Variants in ZPR1 observed in about 807,000 individuals in gnomAD.
ZPR1 encodes the protein ZPR1 zinc finger, also known as zinc finger protein ZPR1.
A neutral mutation model predicts 59.6 loss-of-function variants in ZPR1; 37 were observed. That is an observed-to-expected ratio of 0.62 (90% CI 0.48 to 0.82). The LOEUF is 0.82. Among genes scored for constraint, ZPR1 ranks in the 40% least tolerant of loss-of-function variants. ZPR1 has a pLI of 0.00. For missense variants in ZPR1, 527 were observed against 579.9 expected (o/e 0.91, Z 0.94); for synonymous variants, 191 against 215.2 (o/e 0.89, Z 0.99).
chr11:116,787,375 A>G, intron 2 of ZPR1, 107 bp downstream of exon 2: 1 of 1,167,770 alleles, frequency 8.6e-7, no homozygotes, highest in Non-Finnish European at 1.2e-6. Context: ...TAAGGCTAGG[A>G]GACATAGGGG....
At chr11:116,779,724 A>T (rs759644269) in intron 13 of ZPR1, 48 bp downstream of exon 13, 98 of 1,346,242 alleles carry the variant, frequency 7.3e-5, no homozygotes, top group Non-Finnish European at 9.8e-5. Flanking sequence ...TATTCAAGGA[A>T]GATCAGAAAA....
Position 116,784,642 on chromosome 11 carries a change from C to T in ZPR1, c.821-194G>A. Reference sequence around the variant, plus strand: ...CAATCCCTGTTCACACATTTGAAGGCATGGCTCAGGTCACACACACACAGC... The same window carrying T: ...CAATCCCTGTTCACACATTTGAAGGTATGGCTCAGGTCACACACACACAGC... On this transcript the variant is annotated intron_variant, in intron 8 of 13. Transcript: ENST00000227322. The T allele has an allele frequency of 7.4e-6, 6 of 813,354 alleles. No homozygotes were observed. The Middle Eastern group carries it at 1.1e-3, about 155-fold the overall frequency. The allele number at this position is 813,354 out of a possible 1,614,324, so 50.4% of individuals were successfully genotyped here.
At chr11:116,784,158 C>A (rs2134196395) in intron 9 of ZPR1, among the ~76,000 whole-genome samples, 1 of 152,286 alleles carries the variant, frequency 6.6e-6, no homozygotes. Flanking sequence ...ATATCATCAA[C>A]CTTTAATATG....
In ZPR1 at chr11:116,778,926, T is replaced by A; in HGVS notation, c.1379A>T (p.Ter460LeuextTer53). The change falls in exon 14 of 14, where the codon TAG becomes TTG. Residue 460 changes from the stop codon to leucine, a stop_lost. Coordinates refer to ENST00000227322, the MANE Select transcript of ZPR1 (RefSeq NM_003904.5). ...GYEAGLAPQR[*>L] The stretch of plus-strand genomic sequence containing the variant: ...GGCTGGCCCTTGAGCCACCCACTGC[T>A]ACCGTTGCGGAGCCAGGCCTGCCTC... 1 of 1,613,734 alleles carries A rather than the reference T, an allele frequency of 6.2e-7. No individual in the cohort carries two copies.
At position 116,786,553 on chromosome 11, in the gene ZPR1, G is replaced by A; in HGVS notation, c.453C>T (p.Thr151=). 1 of 1,614,138 alleles carries A rather than the reference G, an allele frequency of 6.2e-7. No homozygotes were observed. Among genetic ancestry groups the A allele is most frequent in the Non-Finnish European group, 8.5e-7 (1 of 1,180,040 alleles). ...CCTGCTCCAGGCCAGAGATAGCACG[G>A]GTGATCAATCCTTCAACAGTGGTCA... ...GALTTVEGLI[T]RAISGLEQDQ... Residue 151 remains threonine (T), a synonymous_variant, in exon 4 of 14, where the codon ACC becomes ACT. Coordinates refer to ENST00000227322, the MANE Select transcript of ZPR1 (RefSeq NM_003904.5).
rs1940721175 is a variant in ZPR1 at position 116,776,252 on chromosome 11, A to G, written c.*2673T>C. 1 of 152,070 alleles carries G rather than the reference A, an allele frequency of 6.6e-6. No homozygotes were observed. 9.4% of individuals were successfully genotyped at this position (152,070 alleles called of 1,614,324 possible). On this transcript the variant is annotated 3_prime_UTR_variant, in exon 14 of 14. Coordinates refer to ENST00000227322, the MANE Select transcript of ZPR1 (RefSeq NM_003904.5). ...CTTTCCTTTTTTAACACAATCACAA[A>G]CCTTTTCCACTTAAATGTTACTCAT... is the stretch of plus-strand genomic sequence containing the variant.
At chr11:116,787,385 G>T in intron 2 of ZPR1, 97 bp downstream of exon 2, 1 of 1,276,146 alleles carries the variant, frequency 7.8e-7, no homozygotes, top group Non-Finnish European at 1.1e-6. Flanking sequence ...AGACATAGGG[G>T]GATTTATTTA....
chr11:116,774,456 G>A lies in ZPR1; in HGVS notation c.*4469C>T, dbSNP rs565470292. The stretch of plus-strand genomic sequence containing the variant: ...CAAACAATAGTTTCTTGGACCAAGA[G>A]TCAAAAAGGTCACTTTTTTAATATA... On this transcript the variant is annotated 3_prime_UTR_variant, in exon 14 of 14. Transcript: ENST00000227322. 6.6e-6 allele frequency: 1 copy of A among 152,194 alleles called. No individual in the cohort carries two copies. Among genetic ancestry groups the A allele is most frequent in the African/African-American group, 2.4e-5 (1 of 41,528 alleles). 9.4% of individuals were successfully genotyped at this position (152,194 alleles called of 1,614,324 possible). A position where few individuals can be genotyped will look rare whatever the true frequency, so the allele number is the denominator to read the frequency against.
chr11:116,784,413 T>C lies in ZPR1; in HGVS notation c.856A>G (p.Thr286Ala), dbSNP rs1474390198. 4 of 1,614,142 alleles carry C rather than the reference T, an allele frequency of 2.5e-6. No individual in the cohort carries two copies. Among genetic ancestry groups the C allele is most frequent in the Non-Finnish European group, 2.5e-6 (3 of 1,180,026 alleles). ...PHFKEVIIMA[T>A]NCENCGHRTN... ...CGATGCCCACAGTTCTCGCAGTTGG[T>C]AGCCATGATGATAACCTCCTTAAAG... The change falls in exon 9 of 14, where the codon ACC (threonine) becomes GCC (alanine). Residue 286 changes from threonine (T) to alanine (A), a missense_variant. By Grantham distance (58) the Thr-to-Ala change is moderately conservative. Transcript: ENST00000227322.
At chr11:116,786,456 A>G (rs1591310041) in intron 4 of ZPR1, 55 bp downstream of exon 4, 1 of 1,598,116 alleles carries the variant, frequency 6.3e-7, no homozygotes, top group East Asian at 2.2e-5. Flanking sequence ...CACATGGGAC[A>G]CTCTATATAA....
chr11:116,775,456 CAAAAA>C lies in ZPR1; in HGVS notation c.*3464_*3468del, dbSNP rs556748837. 7.5e-5 allele frequency: 5 copies of C among 66,796 alleles called. No homozygotes were observed. The highest frequency in any genetic ancestry group is 4.6e-4 in the South Asian group (1 of 2,156). 4.1% of individuals were successfully genotyped at this position (66,796 alleles called of 1,614,324 possible). ...CTGGGTGACAGAGCAAGACTGTCTC[CAAAAA>C]AAAAAAAAAAAAAAAAATTAGCCAG... On this transcript the variant is annotated 3_prime_UTR_variant, in exon 14 of 14. Coordinates refer to ENST00000227322, the MANE Select transcript of ZPR1 (RefSeq NM_003904.5).
chr11:116,778,818 G>A lies in ZPR1; in HGVS notation c.*107C>T. On this transcript the variant is annotated 3_prime_UTR_variant, in exon 14 of 14. Coordinates refer to ENST00000227322, the MANE Select transcript of ZPR1 (RefSeq NM_003904.5). ...CAGACCAGATGTCCTCCCCACCATG[G>A]GCAAGGGCTGGTGGGAAAGACACTC... The A allele has an allele frequency of 2.1e-6, 3 of 1,403,692 alleles. No homozygotes were observed. Among genetic ancestry groups the A allele is most frequent in the Non-Finnish European group, 1.9e-6 (2 of 1,044,082 alleles). 87.0% of individuals were successfully genotyped at this position (1,403,692 alleles called of 1,614,324 possible). A position where few individuals can be genotyped will look rare whatever the true frequency, so the allele number is the denominator to read the frequency against.
intron 12 of ZPR1, among the ~76,000 whole-genome samples, chr11:116,781,117 C>A (rs1049488531): frequency 4.0e-5 from 6 of 151,248 alleles, no homozygotes; most frequent in South Asian, 2.1e-4. Flanking sequence ...AACAAAAAAA[C>A]CAAGAAACCA....
chr11:116,786,588 A>C lies in ZPR1; in HGVS notation c.425-7T>G. The C allele has an allele frequency of 1.2e-6, 2 of 1,613,772 alleles. No homozygotes were observed. The highest frequency in any genetic ancestry group is 1.7e-6 in the Non-Finnish European group (2 of 1,179,700). On this transcript the variant is annotated splice_polypyrimidine_tract_variant and splice_region_variant and intron_variant, in intron 3 of 13. Transcript: ENST00000227322. ...CCTTCAACAGTGGTCAGAGCTTGTG[A>C]ACAAGAACAAAAGACAAGTGTGACT...
Position 116,774,528 on chromosome 11 carries a change from C to A in ZPR1, c.*4397G>T, listed in dbSNP as rs1940696499. ...TACTTTATAAATAAATACACATTAT[C>A]TGGGGATAAGTGTTTAAAAAATTCT... On this transcript the variant is annotated 3_prime_UTR_variant, in exon 14 of 14. Transcript: ENST00000227322. 6.6e-6 allele frequency: 1 copy of A among 152,046 alleles called. No homozygotes were observed. Among genetic ancestry groups the A allele is most frequent in the African/African-American group, 2.4e-5 (1 of 41,386 alleles). 9.4% of individuals were successfully genotyped at this position (152,046 alleles called of 1,614,324 possible). A position where few individuals can be genotyped will look rare whatever the true frequency, so the allele number is the denominator to read the frequency against.
Position 116,774,125 on chromosome 11 carries a change from G to A in ZPR1, c.*4800C>T, listed in dbSNP as rs897615007. The stretch of plus-strand genomic sequence containing the variant: ...TGACAAAAAATTATATATATTCAAG[G>A]TGTACAATGTGATGACTGGATATAA... On this transcript the variant is annotated 3_prime_UTR_variant, in exon 14 of 14. Coordinates refer to ENST00000227322, the MANE Select transcript of ZPR1 (RefSeq NM_003904.5). 4.6e-5 allele frequency: 7 copies of A among 152,044 alleles called. No individual in the cohort carries two copies. Among genetic ancestry groups the A allele is most frequent in the African/African-American group, 1.7e-4 (7 of 41,392 alleles). 9.4% of individuals were successfully genotyped at this position (152,044 alleles called of 1,614,324 possible). A position where few individuals can be genotyped will look rare whatever the true frequency, so the allele number is the denominator to read the frequency against.
At position 116,779,057 on chromosome 11, in the gene ZPR1, A is replaced by G. The variant is rs140112153; in HGVS notation, c.1248T>C (p.Asn416=). 114 of 1,613,910 alleles carry G rather than the reference A, an allele frequency of 7.1e-5. No homozygotes were observed. Among genetic ancestry groups the G allele is most frequent in the Admixed American group, 1.0e-4 (6 of 59,992 alleles). ...DDPAGNSYLQ[N]VYAPEDDPEM... ...CAGGATCATCTTCAGGCGCATACAC[A>G]TTCTGCAAGGTCAAGGAGAGACAAT... Residue 416 remains asparagine (N), a splice_region_variant and synonymous_variant, in exon 14 of 14, where the codon AAT becomes AAC. Transcript: ENST00000227322.
Position 116,778,340 on chromosome 11 carries a change from A to G in ZPR1, c.*585T>C, listed in dbSNP as rs1286121812. 6.6e-6 allele frequency: 1 copy of G among 152,358 alleles called. No homozygotes were observed. The highest frequency in any genetic ancestry group is 1.5e-5 in the Non-Finnish European group (1 of 68,156). The allele number at this position is 152,358 out of a possible 1,614,324, so 9.4% of individuals were successfully genotyped here. A position where few individuals can be genotyped will look rare whatever the true frequency, so the allele number is the denominator to read the frequency against. On this transcript the variant is annotated 3_prime_UTR_variant, in exon 14 of 14. Transcript: ENST00000227322. Reference sequence around the variant, plus strand: ...AGGAATGAATTAAATGCCAGCTGCAATCCCCAAATTACAGTAGATACACGG... The same window carrying G: ...AGGAATGAATTAAATGCCAGCTGCAGTCCCCAAATTACAGTAGATACACGG...
intron 9 of ZPR1, among the ~76,000 whole-genome samples, chr11:116,783,950 G>A (rs1940848576): frequency 6.6e-6 from 1 of 151,772 alleles, no homozygotes; most frequent in African/African-American, 2.4e-5. Flanking sequence ...CCAATGTGTG[G>A]GTCTCCTTTA....
Sources: gnomAD v4.1 joint callset for allele counts (sites outside exome capture counted in the v4.1 genomes callset) on GRCh38, gnomAD v4.1.1 for gene constraint, MANE v1.5 for transcripts, NCBI Gene and HGNC (gene_info 2026-07-23, HGNC 2026-07-21) for gene names.